Variants in RNF111 observed in about 807,000 individuals in gnomAD.
RNF111 encodes ring finger protein 111.
RNF111 carries 17 observed loss-of-function variants against 95.1 expected under a neutral mutation model. The observed-to-expected ratio is 0.18, with a 90% CI of 0.12 to 0.27. RNF111 has a LOEUF of 0.27. RNF111 is among the 10% of genes least tolerant of loss of function. RNF111 has a pLI of 1.00. For synonymous variants in RNF111, 440 were observed against 414.8 expected (o/e 1.06, Z -0.74); for missense variants, 1,189 against 1,210.4 (o/e 0.98, Z 0.26).
chr15:59,044,255 T>C (rs1417296107), intron 2 of RNF111, among the ~76,000 whole-genome samples: 1 of 152,166 alleles, frequency 6.6e-6, no homozygotes, highest in East Asian at 1.9e-4. Flanking sequence ...GGTCTCAAAC[T>C]CCTGACCTCA....
intron 9 of RNF111, among the ~76,000 whole-genome samples, chr15:59,084,701 A>G (rs117565956): frequency 6.6e-6 from 1 of 152,140 alleles, no homozygotes; most frequent in African/African-American, 2.4e-5. Flanking sequence ...GTGCAGTAGA[A>G]TATCAGAACT....
chr15:59,011,447 C>T (rs1410709466), intron 1 of RNF111, among the ~76,000 whole-genome samples: 3 of 152,186 alleles, frequency 2.0e-5, no homozygotes, highest in African/African-American at 4.8e-5. Context: ...GTTTATTCCA[C>T]AGTGTATTAG....
Position 59,031,058 on chromosome 15 carries a change from A to G in RNF111, c.236A>G (p.Asn79Ser). 6.2e-7 allele frequency: 1 copy of G among 1,614,274 alleles called. No homozygotes were observed. The highest frequency in any genetic ancestry group is 2.2e-5 in the East Asian group (1 of 44,890). Reference sequence around the variant, plus strand: ...TCTCAAAAGCAAGAGAAGGAAATGAATGGTAACCAGCAAGAACAAGAAAAA... The same window carrying G: ...TCTCAAAAGCAAGAGAAGGAAATGAGTGGTAACCAGCAAGAACAAGAAAAA... ...DDSQKQEKEM[N>S]GNQQEQEKSL... is the part of the protein sequence containing the mutation. The change falls in exon 2 of 14, where the codon AAT becomes AGT. Residue 79 changes from asparagine to serine, a missense_variant. Transcript: ENST00000348370.
At chr15:59,006,815 C>G (rs1212944786) in intron 1 of RNF111, among the ~76,000 whole-genome samples, 1 of 152,164 alleles carries the variant, frequency 6.6e-6, no homozygotes, top group Non-Finnish European at 1.5e-5. Flanking sequence ...GAGATGGAGT[C>G]TTGCTCTGTC....
rs1022751627 is a variant in RNF111 at position 59,020,457 on chromosome 15, C to G, written c.-19-10347C>G. 3.3e-5 allele frequency among the ~76,000 whole-genome samples: 5 copies of G among 152,092 alleles called. No homozygotes were observed. The South Asian group carries it at 1.0e-3, about 32-fold the overall frequency. On this transcript the variant is annotated intron_variant, in intron 1 of 13. Coordinates refer to ENST00000348370, the MANE Select transcript of RNF111 (RefSeq NM_017610.8). Reference sequence around the variant, plus strand: ...AAAGAACTGACTCCCAGATACTGTTCAGGCTTGTGAGGTTAGATACACCCT... The same window carrying G: ...AAAGAACTGACTCCCAGATACTGTTGAGGCTTGTGAGGTTAGATACACCCT...
At chr15:59,022,162 G>T (rs1380810430) in intron 1 of RNF111, among the ~76,000 whole-genome samples, 1 of 151,980 alleles carries the variant, frequency 6.6e-6, no homozygotes, top group East Asian at 1.9e-4. Flanking sequence ...GCCTGGCCAA[G>T]CTTCCTATAA....
intron 1 of RNF111, among the ~76,000 whole-genome samples, chr15:59,023,720 G>A (rs1265316340): frequency 6.6e-6 from 1 of 152,142 alleles, no homozygotes; most frequent in Non-Finnish European, 1.5e-5. Flanking sequence ...TTTTATAACA[G>A]TGAATTCCTT....
intron 5 of RNF111, among the ~76,000 whole-genome samples, chr15:59,064,123 A>C (rs1015062267): frequency 6.6e-6 from 1 of 152,236 alleles, no homozygotes; most frequent in East Asian, 1.9e-4. Context: ...GATCATGGTC[A>C]GTTCCTGATA....
chr15:59,057,120 C>A (rs1220497690), intron 4 of RNF111, among the ~76,000 whole-genome samples: 1 of 152,132 alleles, frequency 6.6e-6, no homozygotes, highest in Non-Finnish European at 1.5e-5. Flanking sequence ...TGTCTGCAGA[C>A]ATTTTTGGTT....
chr15:59,041,961 A>ATT (rs79347638), intron 2 of RNF111, among the ~76,000 whole-genome samples: 5,197 of 99,972 alleles, frequency 0.052, 240 homozygotes, highest in African/African-American at 0.1. Context: ...GTCTGTTCAT[A>ATT]TTTTTTTTTT....
At chr15:59,041,110 A>G (rs747750433) in intron 2 of RNF111, among the ~76,000 whole-genome samples, 9 of 152,152 alleles carry the variant, frequency 5.9e-5, no homozygotes, top group Non-Finnish European at 1.2e-4. Context: ...GAATGAAAGT[A>G]TATATCTCCG....
At chr15:59,000,708 CA>C (rs35056899) in intron 1 of RNF111, among the ~76,000 whole-genome samples, 4,264 of 90,066 alleles carry the variant, frequency 0.047, 76 homozygotes, top group South Asian at 0.084. Context: ...AACTCCGTCT[CA>C]AAAAAAAAAA....
intron 1 of RNF111, among the ~76,000 whole-genome samples, chr15:59,026,292 G>T (rs1156741086): frequency 5.9e-5 from 9 of 152,078 alleles, no homozygotes; most frequent in African/African-American, 1.9e-4. Flanking sequence ...TTGAAAGTTA[G>T]TATTTTTTTT....
intron 5 of RNF111, among the ~76,000 whole-genome samples, chr15:59,066,007 G>T (rs1566925919): frequency 6.6e-6 from 1 of 152,136 alleles, no homozygotes; most frequent in Non-Finnish European, 1.5e-5. Context: ...TTGGCTGGCT[G>T]TGTCTTAAGG....
intron 10 of RNF111, among the ~76,000 whole-genome samples, chr15:59,088,750 G>A (rs2078968157): frequency 6.6e-6 from 1 of 152,098 alleles, no homozygotes; most frequent in South Asian, 2.1e-4. Flanking sequence ...CCTTTTTTAT[G>A]TGTGTTTCTG....
At chr15:59,091,228 T>C (rs2079043827) in intron 12 of RNF111, 74 bp downstream of exon 12, 3 of 811,988 alleles carry the variant, frequency 3.7e-6, no homozygotes, top group South Asian at 3.7e-5. Context: ...TTTTTGAATT[T>C]GTAGACTCTA....
chr15:59,049,362 ATTTTT>A (rs567223230), intron 2 of RNF111: 2 of 70,746 alleles, frequency 2.8e-5, no homozygotes, highest in Non-Finnish European at 5.2e-5. Flanking sequence ...GGTGTCTTTG[ATTTTT>A]TTTTTTTTTT....
At chr15:59,051,526 A>T (rs929131677) in intron 2 of RNF111, among the ~76,000 whole-genome samples, 9 of 151,874 alleles carry the variant, frequency 5.9e-5, no homozygotes, top group Admixed American at 2.0e-4. Flanking sequence ...CTATAATCCC[A>T]GCACTTTGGG....
chr15:59,021,622 G>C (rs928174109), intron 1 of RNF111, among the ~76,000 whole-genome samples: 2 of 152,052 alleles, frequency 1.3e-5, no homozygotes, highest in African/African-American at 4.8e-5. Context: ...ATTTTATGAG[G>C]TAAGTACTAT....
Sources: gnomAD v4.1 joint callset for allele counts (sites outside exome capture counted in the v4.1 genomes callset) on GRCh38, gnomAD v4.1.1 for gene constraint, MANE v1.5 for transcripts, NCBI Gene and HGNC (gene_info 2026-07-23, HGNC 2026-07-21) for gene names.